The following ADAM10 variants were observed in gnomAD, a reference collection of about 807,000 sequenced individuals.
The protein encoded by ADAM10 is ADAM metallopeptidase domain 10.
Under a neutral mutation model 90.1 loss-of-function variants are expected in ADAM10, and 17 were observed. The ratio of observed to expected loss-of-function variants is 0.19; its 90% confidence interval spans 0.13 to 0.28. The LOEUF (loss-of-function observed/expected upper bound fraction) is 0.28, where lower values mean the gene tolerates loss of function less well. ADAM10 is among the 10% of genes least tolerant of loss of function. The probability of loss-of-function intolerance (pLI) is 1.00; values close to 1 mark genes in which losing one functional copy is unlikely to be tolerated. For synonymous variants in ADAM10, 310 were observed against 298.6 expected, an observed-to-expected ratio of 1.04 and a Z score of -0.40; for missense variants, 610 against 914.3, an observed-to-expected ratio of 0.67 and a Z score of 4.29.
chr15:58,720,410 T>A (rs966585491), intron 1 of ADAM10, among the ~76,000 whole-genome samples: 23 of 17,006 alleles, frequency 1.4e-3, no homozygotes, highest in African/African-American at 3.4e-3. Context: ...TTTTATTTTT[T>A]TTTTTTTTGA....
At chr15:58,608,074 A>C (rs1177121436) in intron 14 of ADAM10, among the ~76,000 whole-genome samples, 2 of 152,208 alleles carry the variant, frequency 1.3e-5, no homozygotes, top group African/African-American at 4.8e-5. Context: ...AAATACAGTA[A>C]ATGTATTTGG....
intron 2 of ADAM10, chr15:58,692,894 A>C: frequency 1.5e-6 from 1 of 688,324 alleles, no homozygotes; most frequent in Non-Finnish European, 2.8e-6. Flanking sequence ...ATGGCTCCCA[A>C]ATTATTTATG....
Position 58,617,583 on chromosome 15 carries a change from T to C in ADAM10, c.1511+3888A>G, listed in dbSNP as rs2052803. On this transcript the variant is annotated intron_variant, in intron 11 of 15. Transcript: ENST00000260408. The stretch of plus-strand genomic sequence containing the variant: ...AGAGCAATTAGGCAAGAGAAGAAAA[T>C]AAAGGACATCCAAATTGGAAAGGAG... Among the ~76,000 whole-genome samples the C allele has an allele frequency of 9.3e-3, 1,411 of 151,978 alleles. 23 individuals carry two copies. The highest frequency in any genetic ancestry group is 0.03 in the African/African-American group (1,229 of 41,450).
chr15:58,679,454 T>C (rs947677797), intron 3 of ADAM10, among the ~76,000 whole-genome samples, 172 bp from the exon 4 acceptor site: 2 of 152,094 alleles, frequency 1.3e-5, no homozygotes, highest in African/African-American at 4.8e-5. Flanking sequence ...ACATAAAATA[T>C]ATCAAGCAGA....
intron 2 of ADAM10, among the ~76,000 whole-genome samples, chr15:58,695,936 G>A (rs1897966062): frequency 6.6e-6 from 1 of 152,114 alleles, no homozygotes; most frequent in Non-Finnish European, 1.5e-5. Flanking sequence ...GACCAACATG[G>A]TGAAACCCCA....
Position 58,717,607 on chromosome 15 carries a change from A to G in ADAM10, c.176T>C (p.Phe59Ser). 1 of 1,613,896 alleles carries G rather than the reference A, an allele frequency of 6.2e-7. No individual in the cohort carries two copies. Among genetic ancestry groups the G allele is most frequent in the Non-Finnish European group, 8.5e-7 (1 of 1,179,918 alleles). The change falls in exon 2 of 16, where the codon TTT becomes TCT. Residue 59 changes from phenylalanine (F) to serine (S), a missense_variant. Coordinates refer to ENST00000260408, the MANE Select transcript of ADAM10 (RefSeq NM_001110.4). Reference sequence around the variant, plus strand: ...ATGGGCATGGAAATCTAGACGTAAAAATTGGTCTTCATGTGAGACTGCTCT... The same window carrying G: ...ATGGGCATGGAAATCTAGACGTAAAGATTGGTCTTCATGTGAGACTGCTCT... ...AKRAVSHEDQFLRLDFHAHGR... is the reference protein window; with the variant it reads ...AKRAVSHEDQSLRLDFHAHGR...
At chr15:58,745,995 A>G (rs1567022651) in intron 1 of ADAM10, among the ~76,000 whole-genome samples, 1 of 152,206 alleles carries the variant, frequency 6.6e-6, no homozygotes, top group Non-Finnish European at 1.5e-5. Flanking sequence ...TGAATAAAAC[A>G]TATCTCTAAG....
At chr15:58,647,677 T>G (rs1235708518) in intron 5 of ADAM10, among the ~76,000 whole-genome samples, 5 of 152,062 alleles carry the variant, frequency 3.3e-5, no homozygotes, top group African/African-American at 1.2e-4. Context: ...GCTTCCCAAG[T>G]AGCTGGGGGA....
chr15:58,731,121 T>TA (rs1485590877), intron 1 of ADAM10, among the ~76,000 whole-genome samples: 1 of 152,158 alleles, frequency 6.6e-6, no homozygotes. Context: ...CCCTCACTGA[T>TA]AGAGTCAGTC....
intron 14 of ADAM10, 120 bp downstream of exon 14, chr15:58,610,177 T>G: frequency 1.2e-6 from 1 of 813,976 alleles, no homozygotes. Context: ...AAAATCTTCA[T>G]ATAAAGTAAT....
chr15:58,749,412 G>C, intron 1 of ADAM10, 68 bp downstream of exon 1: 1 of 1,450,096 alleles, frequency 6.9e-7, no homozygotes, highest in Non-Finnish European at 9.1e-7. Context: ...GCGCGACTGG[G>C]CTCCGCTCGG....
chr15:58,639,902 A>T (rs1269233236), intron 8 of ADAM10, among the ~76,000 whole-genome samples: 1 of 152,024 alleles, frequency 6.6e-6, no homozygotes, highest in Non-Finnish European at 1.5e-5. Context: ...TTTTTAAAAA[A>T]AAAAACATAG....
chr15:58,724,597 A>G (rs960357442), intron 1 of ADAM10, among the ~76,000 whole-genome samples: 13 of 152,228 alleles, frequency 8.5e-5, no homozygotes, highest in Admixed American at 5.2e-4. Flanking sequence ...CAGGGAGATC[A>G]GGTATTTAGA....
intron 1 of ADAM10, among the ~76,000 whole-genome samples, chr15:58,740,239 G>A (rs908715512): frequency 1.3e-5 from 2 of 151,938 alleles, no homozygotes; most frequent in Non-Finnish European, 2.9e-5. Context: ...GTGAAACCCC[G>A]TCTCTACTAA....
chr15:58,716,551 G>C (rs1238339274), intron 2 of ADAM10, among the ~76,000 whole-genome samples: 1 of 152,120 alleles, frequency 6.6e-6, no homozygotes, highest in African/African-American at 2.4e-5. Flanking sequence ...CTTGATGCTG[G>C]CAAGTAAAAC....
intron 5 of ADAM10, among the ~76,000 whole-genome samples, chr15:58,664,671 T>A (rs1897038915): frequency 1.3e-5 from 2 of 152,052 alleles, no homozygotes; most frequent in Admixed American, 1.3e-4. Context: ...GGGAAAAAAA[T>A]AATTAAAATA....
At chr15:58,605,718 A>C (rs1895252478) in intron 14 of ADAM10, among the ~76,000 whole-genome samples, 1 of 152,202 alleles carries the variant, frequency 6.6e-6, no homozygotes. Flanking sequence ...GGACAAAGAG[A>C]AGACATCCAA....
chr15:58,692,800 A>C (rs1404634565), intron 2 of ADAM10: 1 of 631,912 alleles, frequency 1.6e-6, no homozygotes, highest in Non-Finnish European at 3.1e-6. Flanking sequence ...GGCAGAATAA[A>C]AGCCAACACC....
intron 14 of ADAM10, 64 bp from the exon 15 acceptor site, chr15:58,599,788 T>C (rs757168407): frequency 3.3e-6 from 5 of 1,520,020 alleles, no homozygotes; most frequent in Non-Finnish European, 4.5e-6. Flanking sequence ...GAGTATCTTT[T>C]ACAGTATATA....
Sources: allele counts gnomAD v4.1 joint callset (sites outside exome capture counted in the v4.1 genomes callset), GRCh38; gene constraint gnomAD v4.1.1; transcripts MANE v1.5; gene names NCBI Gene and HGNC (gene_info 2026-07-23, HGNC 2026-07-21).